The following ESR1 variants were observed in gnomAD, a reference collection of about 807,000 sequenced individuals.
ESR1 encodes the protein estrogen receptor 1.
In ESR1, 12 loss-of-function variants were observed where a neutral mutation model predicts 52.7. That is an observed-to-expected ratio of 0.23 (90% CI 0.15 to 0.37). The LOEUF (loss-of-function observed/expected upper bound fraction) is 0.37, where lower values mean the gene tolerates loss of function less well. ESR1 is among the 10% of genes least tolerant of loss of function. The pLI, the probability that ESR1 is intolerant of heterozygous loss-of-function variation, is 1.00. For missense variants in ESR1, 584 were observed against 779.7 expected, an observed-to-expected ratio of 0.75 and a Z score of 2.99; for synonymous variants, 305 against 316.8, an observed-to-expected ratio of 0.96 and a Z score of 0.39.
At chr6:152,028,671 C>T (rs951139295) in intron 5 of ESR1, among the ~76,000 whole-genome samples, 34 of 152,282 alleles carry the variant, frequency 2.2e-4, no homozygotes, top group Admixed American at 5.9e-4. Context: ...TGGAGCCCAC[C>T]GCAGCTCAAG....
intron 2 of ESR1, among the ~76,000 whole-genome samples, chr6:151,780,895 A>C (rs1048571839): frequency 1.3e-5 from 2 of 152,218 alleles, no homozygotes; most frequent in African/African-American, 2.4e-5. Flanking sequence ...CATTGTCTCA[A>C]ACTTTTTGTA....
chr6:151,698,085 T>G (rs982628731), intron 1 of ESR1, among the ~76,000 whole-genome samples: 1 of 148,744 alleles, frequency 6.7e-6, no homozygotes, highest in Admixed American at 6.7e-5. Flanking sequence ...CGACAGAACA[T>G]TTAATGCTGG....
chr6:151,922,990 A>C (rs2031994613), intron 3 of ESR1, among the ~76,000 whole-genome samples: 1 of 152,214 alleles, frequency 6.6e-6, no homozygotes, highest in Non-Finnish European at 1.5e-5. Context: ...CAATAGTGAG[A>C]AACCTGGCTC....
intron 2 of ESR1, among the ~76,000 whole-genome samples, chr6:151,769,727 A>G (rs1785355574): frequency 1.3e-5 from 2 of 152,226 alleles, no homozygotes; most frequent in Non-Finnish European, 1.5e-5. Flanking sequence ...AAGATGTCCA[A>G]TTGGGAGTTG....
chr6:151,839,722 G>A (rs1166100214), intron 1 of ESR1, among the ~76,000 whole-genome samples: 2 of 152,072 alleles, frequency 1.3e-5, no homozygotes, highest in Admixed American at 1.3e-4. Flanking sequence ...AGCAAAAGTA[G>A]GGTTTCACTT....
chr6:151,930,282 G>T (rs1222691757), intron 3 of ESR1, among the ~76,000 whole-genome samples: 1 of 152,108 alleles, frequency 6.6e-6, no homozygotes, highest in Non-Finnish European at 1.5e-5. Context: ...ACCGCACCCG[G>T]CTTAACTATA....
At chr6:152,013,105 T>C (rs1185298040) in intron 5 of ESR1, among the ~76,000 whole-genome samples, 2 of 152,224 alleles carry the variant, frequency 1.3e-5, no homozygotes, top group Non-Finnish European at 2.9e-5. Context: ...CTAGTCTTGT[T>C]CCTTAGAACT....
chr6:152,125,250 C>T (rs919407853), intron 6 of ESR1: 7 of 1,549,156 alleles, frequency 4.5e-6, no homozygotes, highest in South Asian at 3.6e-5. Context: ...TAATTCAGGT[C>T]GTATTCATTT....
At chr6:152,127,705 G>A in exon 7 of ESR1, 1 of 152,256 alleles carries the variant, frequency 6.6e-6, no homozygotes. Flanking sequence ...TTAGAGGGGA[G>A]AGGCTCTGTG....
chr6:151,741,382 C>T (rs570281820), intron 2 of ESR1, among the ~76,000 whole-genome samples: 5 of 152,088 alleles, frequency 3.3e-5, no homozygotes, highest in African/African-American at 9.6e-5. Context: ...AGCTCTCTAC[C>T]GAGGAGCGCA....
upstream of ESR1, chr6:151,807,631 CAT>C (rs1394549442): frequency 1.2e-5 from 7 of 566,402 alleles, no homozygotes; most frequent in Non-Finnish European, 1.9e-5. Context: ...CTTTGTAATG[CAT>C]ATGAGCTCGG....
intron 1 of ESR1, among the ~76,000 whole-genome samples, chr6:151,670,945 C>T (rs1293951): frequency 0.49 from 74,428 of 151,358 alleles, 18,976 homozygotes; most frequent in African/African-American, 0.6. Flanking sequence ...ATTTTGTATT[C>T]TTAGTAGAGA....
chr6:151,984,414 C>G (rs1387038391), intron 4 of ESR1, among the ~76,000 whole-genome samples: 1 of 152,068 alleles, frequency 6.6e-6, no homozygotes, highest in Non-Finnish European at 1.5e-5. Flanking sequence ...ATTGGAGAAC[C>G]AAACACTAGC....
In ESR1 at chr6:151,732,247, C is replaced by T. The variant is rs1336984; in HGVS notation, c.-71+30242C>T. Among the ~76,000 whole-genome samples, 943 of 152,220 alleles carry T rather than the reference C, an allele frequency of 6.2e-3. 14 individuals are homozygous for T. The highest frequency in any genetic ancestry group is 0.022 in the African/African-American group (906 of 41,530). Reference sequence around the variant, plus strand: ...CAAGTTCATAGGGCATGAGTCTCATCAGGCGGATAATTTACATTATATAAA... The same window carrying T: ...CAAGTTCATAGGGCATGAGTCTCATTAGGCGGATAATTTACATTATATAAA... On this transcript the variant is annotated intron_variant, in intron 2 of 2. Coordinates refer to the ESR1 transcript ENST00000404742.
At chr6:151,938,357 A>G (rs1398076297) in intron 3 of ESR1, among the ~76,000 whole-genome samples, 1 of 152,232 alleles carries the variant, frequency 6.6e-6, no homozygotes, top group African/African-American at 2.4e-5. Context: ...TACAATAGCC[A>G]AGCCAAAGAA....
In ESR1 at chr6:152,098,859, G is replaced by C. The variant is rs2050849411; in HGVS notation, c.1681G>C (p.Glu561Gln). The part of the protein sequence containing the change: ...APTSRGGASV[E>Q]ETDQSHLATA... ...CACTAGCCGTGGAGGGGCATCCGTGGAGGAGACGGACCAAAGCCACTTGGC... is the reference window on the plus strand; with the variant it reads ...CACTAGCCGTGGAGGGGCATCCGTGCAGGAGACGGACCAAAGCCACTTGGC... Residue 561 changes from glutamate (E) to glutamine (Q), a missense_variant, in exon 8 of 8, where the codon GAG becomes CAG. Transcript: ENST00000206249. This position sits in a 1 kb window ranked among gnomAD's most constrained non-coding sequence, Gnocchi z 5.1. 6.2e-7 allele frequency: 1 copy of C among 1,614,190 alleles called. No individual in the cohort carries two copies. Among genetic ancestry groups the C allele is most frequent in the South Asian group, 1.1e-5 (1 of 91,086 alleles).
chr6:151,926,069 T>A (rs1302230615), intron 3 of ESR1, among the ~76,000 whole-genome samples: 2 of 152,170 alleles, frequency 1.3e-5, no homozygotes, highest in African/African-American at 4.8e-5. Flanking sequence ...TTAAGGGTAA[T>A]CAGCGCAATA....
chr6:152,023,420 C>A (rs2043852556), intron 5 of ESR1, among the ~76,000 whole-genome samples: 1 of 152,186 alleles, frequency 6.6e-6, no homozygotes, highest in Non-Finnish European at 1.5e-5. Context: ...ATCCATTAAT[C>A]TCATTTCATT....
At chr6:152,006,633 A>T (rs1562660593) in intron 4 of ESR1, among the ~76,000 whole-genome samples, 1 of 151,736 alleles carries the variant, frequency 6.6e-6, no homozygotes, top group African/African-American at 2.4e-5. Context: ...TCCATGATTT[A>T]TTTTTTTCCC....
Sources: gnomAD v4.1 joint callset for allele counts (sites outside exome capture counted in the v4.1 genomes callset) on GRCh38, gnomAD v4.1.1 for gene constraint, Gnocchi (gnomAD v3.1) non-coding constraint, MANE v1.5 for transcripts, NCBI Gene and HGNC (gene_info 2026-07-23, HGNC 2026-07-21) for gene names.